Variants in ADSS1 observed in about 807,000 individuals in gnomAD.
The protein encoded by ADSS1 is adenylosuccinate synthase 1.
ADSS1 carries 57 observed loss-of-function variants against 59.1 expected under a neutral mutation model. The observed-to-expected ratio is 0.97, with a 90% CI of 0.78 to 1.20. ADSS1 has a LOEUF of 1.20. Among genes scored for constraint, ADSS1 ranks in the 50% most tolerant of loss-of-function variants. The probability of loss-of-function intolerance (pLI) is 0.00; values close to 1 mark genes in which losing one functional copy is unlikely to be tolerated. For missense variants in ADSS1, 603 were observed against 610.3 expected (o/e 0.99, Z 0.13); for synonymous variants, 247 against 249.4 (o/e 0.99, Z 0.09).
intron 1 of ADSS1, among the ~76,000 whole-genome samples, chr14:104,726,486 C>T (rs926614444): frequency 6.6e-6 from 1 of 152,198 alleles, no homozygotes; most frequent in African/African-American, 2.4e-5. Context: ...CTCACAGTGC[C>T]CATCTCTCCT....
intron 10 of ADSS1, 100 bp from the exon 11 acceptor site, chr14:104,744,712 C>T: frequency 8.6e-7 from 1 of 1,162,278 alleles, no homozygotes; most frequent in East Asian, 2.4e-5. Flanking sequence ...CTGGGGACCC[C>T]TGCTGTAAGT....
At chr14:104,735,524 G>C (rs771021322) in intron 2 of ADSS1, among the ~76,000 whole-genome samples, 2 of 152,176 alleles carry the variant, frequency 1.3e-5, no homozygotes, top group Admixed American at 6.5e-5. Context: ...CTGGCTTCTC[G>C]CTGCGTGGCG....
intron 3 of ADSS1, among the ~76,000 whole-genome samples, chr14:104,738,987 CCCTGAGGG>C (rs1202233892): frequency 2.0e-5 from 3 of 152,176 alleles, no homozygotes; most frequent in Non-Finnish European, 4.4e-5. Flanking sequence ...CAGACTGAGG[CCCTGAGGG>C]GGCAGGTCAC....
chr14:104,738,317 G>A (rs1207949587), intron 2 of ADSS1, 59 bp from the exon 3 acceptor site: 8 of 1,581,004 alleles, frequency 5.1e-6, no homozygotes, highest in Non-Finnish European at 6.9e-6. Flanking sequence ...TGTTCTTAAT[G>A]TATGTTTTCC....
At position 104,739,814 on chromosome 14, in the gene ADSS1, G is replaced by A; in HGVS notation, c.474G>A (p.Lys158=). The change falls in exon 5 of 13, where the codon AAG becomes AAA. Residue 158 remains lysine, a splice_region_variant and synonymous_variant. Coordinates refer to ENST00000330877, the MANE Select transcript of ADSS1 (RefSeq NM_152328.5). ...TGCAGCGCCAGGCACAAGAGGGGAA[G>A]AAGTAAGTCTGCCGGGACACTCTCA... is the stretch of plus-strand genomic sequence containing the variant. ...QEVQRQAQEG[K]NIGTTKKGIG... is the part of the protein sequence containing the mutation. 1 of 1,613,866 alleles carries A rather than the reference G, an allele frequency of 6.2e-7. No individual in the cohort carries two copies. Among genetic ancestry groups the A allele is most frequent in the Non-Finnish European group, 8.5e-7 (1 of 1,179,994 alleles).
chr14:104,741,297 C>T lies in ADSS1; in HGVS notation c.793+54C>T, dbSNP rs536857095. The T allele has an allele frequency of 7.7e-4, 1,168 of 1,513,574 alleles. 17 individuals carry two copies. In the South Asian group the frequency reaches 0.014, roughly 18 times the overall value. The allele number at this position is 1,513,574 out of a possible 1,614,324, so 93.8% of individuals were successfully genotyped here. On this transcript the variant is annotated intron_variant, in intron 8 of 12. Coordinates refer to ENST00000330877, the MANE Select transcript of ADSS1 (RefSeq NM_152328.5). ...GACCTTTCGTGCCTGCCAGGGAAGA[C>T]CCAGCTGCGGAGAGCCGTGGGAACC... is the stretch of plus-strand genomic sequence containing the variant.
chr14:104,730,229 TACATCTGTA>T (rs1468675273), intron 1 of ADSS1: 4 of 1,481,712 alleles, frequency 2.7e-6, no homozygotes, highest in Non-Finnish European at 3.6e-6. Flanking sequence ...TGCGGTGGCG[TACATCTGTA>T]ACTCCAGCAC....
intron 1 of ADSS1, among the ~76,000 whole-genome samples, chr14:104,731,813 G>C (rs554182014): frequency 6.6e-6 from 1 of 152,314 alleles, no homozygotes; most frequent in African/African-American, 2.4e-5. Context: ...TCGGCACTGG[G>C]GGGATGGTGA....
Position 104,741,099 on chromosome 14 carries a change from C to G in ADSS1, c.667-18C>G, listed in dbSNP as rs1350182284. On this transcript the variant is annotated intron_variant, in intron 7 of 12. Transcript: ENST00000330877. Reference sequence around the variant, plus strand: ...CCCAGGCCACAGGCTCACTCTGCTGCTTGGCCCTTCCTTGCAGGGCTTTGC... The same window carrying G: ...CCCAGGCCACAGGCTCACTCTGCTGGTTGGCCCTTCCTTGCAGGGCTTTGC... 7 of 1,591,690 alleles carry G rather than the reference C, an allele frequency of 4.4e-6. No homozygotes were observed. Among genetic ancestry groups the G allele is most frequent in the Non-Finnish European group, 6.0e-6 (7 of 1,166,746 alleles).
intron 1 of ADSS1, among the ~76,000 whole-genome samples, chr14:104,729,532 G>A (rs1258882453): frequency 5.1e-5 from 6 of 118,420 alleles, no homozygotes; most frequent in African/African-American, 2.0e-4. Flanking sequence ...TGGCGTCGGC[G>A]TCGTGGGGAG....
intron 1 of ADSS1, among the ~76,000 whole-genome samples, chr14:104,725,755 C>T (rs1256216241): frequency 6.6e-6 from 1 of 152,196 alleles, no homozygotes; most frequent in African/African-American, 2.4e-5. Flanking sequence ...CTGCTCTTCA[C>T]CCTCCAGGGC....
At chr14:104,741,808 G>A in intron 8 of ADSS1, 40 bp from the exon 9 acceptor site, 1 of 1,608,572 alleles carries the variant, frequency 6.2e-7, no homozygotes, top group Non-Finnish European at 8.5e-7. Context: ...TAATCTACAG[G>A]GGGTGACAGG....
rs1891295596 is a variant in ADSS1, at chr14:104,740,298, TC to T, written c.477-302del. The stretch of plus-strand genomic sequence containing the variant: ...ATACACACCACACGCCCACGCATGC[TC>T]GCACAGTTATGCACATGTGCACACG... On this transcript the variant is annotated intron_variant, in intron 5 of 12. Transcript: ENST00000330877. The surrounding 1 kb of genome is among the most constrained non-coding windows in gnomAD (Gnocchi z 4.8). 6.6e-6 allele frequency among the ~76,000 whole-genome samples: 1 copy of T among 151,648 alleles called. No individual in the cohort carries two copies. Among genetic ancestry groups the T allele is most frequent in the East Asian group, 1.9e-4 (1 of 5,176 alleles).
At chr14:104,745,245 C>A in intron 11 of ADSS1, 1 of 293,548 alleles carries the variant, frequency 3.4e-6, no homozygotes, top group Non-Finnish European at 6.5e-6. Context: ...GGGAGGCACA[C>A]AGGAGTTAGT....
rs2140779250 is a variant in ADSS1, at chr14:104,735,067, C to T, written c.240C>T (p.Tyr80=). 20 of 1,613,556 alleles carry T rather than the reference C, an allele frequency of 1.2e-5. No homozygotes were observed. Among genetic ancestry groups the T allele is most frequent in the Non-Finnish European group, 1.5e-5 (18 of 1,179,732 alleles). Residue 80 remains tyrosine (Y), a synonymous_variant, in exon 2 of 13, where the codon TAC becomes TAT. Coordinates refer to ENST00000330877, the MANE Select transcript of ADSS1 (RefSeq NM_152328.5). ...CGGTGGTGGTGGATGGGAAAGAGTA[C>T]GACTTCCACCTGCTGCCCAGCGGCA... ...GHTVVVDGKE[Y]DFHLLPSGII...
chr14:104,734,437 C>T (rs1891042747), intron 1 of ADSS1, among the ~76,000 whole-genome samples: 1 of 152,220 alleles, frequency 6.6e-6, no homozygotes, highest in African/African-American at 2.4e-5. Context: ...TATCATGTGG[C>T]TGTCTCATGG....
intron 1 of ADSS1, among the ~76,000 whole-genome samples, chr14:104,725,027 GC>G (rs988112610): frequency 6.6e-6 from 1 of 152,192 alleles, no homozygotes; most frequent in African/African-American, 2.4e-5. Flanking sequence ...GTCCTGGGGG[GC>G]AATTGGGGCC....
chr14:104,728,704 G>C (rs1890791042), intron 1 of ADSS1, among the ~76,000 whole-genome samples: 1 of 152,204 alleles, frequency 6.6e-6, no homozygotes, highest in African/African-American at 2.4e-5. Flanking sequence ...CACGGCCTCT[G>C]AAAAGCACCG....
intron 1 of ADSS1, among the ~76,000 whole-genome samples, chr14:104,727,209 GAGT>G (rs1890740399): frequency 6.6e-6 from 1 of 152,182 alleles, no homozygotes; most frequent in Non-Finnish European, 1.5e-5. Flanking sequence ...GGGCCCCTGA[GAGT>G]GTCGTCACCT....
Sources: gnomAD v4.1 joint callset for allele counts (sites outside exome capture counted in the v4.1 genomes callset) on GRCh38, gnomAD v4.1.1 for gene constraint, Gnocchi (gnomAD v3.1) non-coding constraint, MANE v1.5 for transcripts, NCBI Gene and HGNC (gene_info 2026-07-23, HGNC 2026-07-21) for gene names.